ACER3: variants seen among roughly 807,000 people sequenced by gnomAD.
ACER3 encodes the protein alkaline ceramidase 3, also known as alkCDase 3.
Under a neutral mutation model 48.9 loss-of-function variants are expected in ACER3, and 16 were observed. That is an observed-to-expected ratio of 0.33 (90% CI 0.22 to 0.50). ACER3 has a LOEUF of 0.50. Ranked by LOEUF, ACER3 falls within the 20% of genes least tolerant of loss-of-function variation. The probability of loss-of-function intolerance (pLI) is 0.98; values close to 1 mark genes in which losing one functional copy is unlikely to be tolerated. For synonymous variants in ACER3, 109 were observed against 107.8 expected, an observed-to-expected ratio of 1.01 and a Z score of -0.07; for missense variants, 227 against 326.0, an observed-to-expected ratio of 0.70 and a Z score of 2.34.
Position 77,022,868 on chromosome 11 carries a change from CA to C in ACER3, c.*2565del, listed in dbSNP as rs10565723. ...ATGGTGGCAGAGCGAGACTCCGTCT[CA>C]AAAAAAAAAAAAAAAAAAAAAAAGA... On this transcript the variant is annotated 3_prime_UTR_variant, in exon 11 of 11. Transcript: ENST00000532485. 955 of 280,290 alleles carry C rather than the reference CA, an allele frequency of 3.4e-3. 1 individual carries two copies. The highest frequency in any genetic ancestry group is 6.4e-3 in the East Asian group (111 of 17,232). The allele number at this position is 280,290 out of a possible 1,614,324, so 17.4% of individuals were successfully genotyped here. A position where few individuals can be genotyped will look rare whatever the true frequency, so the allele number is the denominator to read the frequency against.
At chr11:77,014,948 G>C in intron 7 of ACER3, 68 bp from the exon 8 acceptor site, 2 of 936,672 alleles carry the variant, frequency 2.1e-6, no homozygotes, top group African/African-American at 1.6e-5. Context: ...GAAAGTGATG[G>C]CTTCAATTTC....
intron 7 of ACER3, among the ~76,000 whole-genome samples, chr11:77,013,619 A>G (rs1949310505): frequency 6.6e-6 from 1 of 152,172 alleles, no homozygotes. Flanking sequence ...ACACTTATAC[A>G]TGCCTGGTGG....
At chr11:77,011,338 T>G in intron 7 of ACER3, 1 of 985,570 alleles carries the variant, frequency 1.0e-6, no homozygotes, top group Non-Finnish European at 1.2e-6. Context: ...AGAAGAGTAT[T>G]GCTTTGAACT....
chr11:77,011,195 A>G (rs781797944), intron 7 of ACER3: 13 of 261,404 alleles, frequency 5.0e-5, no homozygotes, highest in Non-Finnish European at 7.7e-5. Flanking sequence ...TGCCTTCTGT[A>G]TTCTACACTC....
chr11:76,933,669 C>T (rs1218309861), intron 2 of ACER3, among the ~76,000 whole-genome samples: 1 of 152,190 alleles, frequency 6.6e-6, no homozygotes, highest in Non-Finnish European at 1.5e-5. Flanking sequence ...TGAAAAGTCT[C>T]CCATGTCTAC....
At chr11:76,963,339 C>T (rs1447905928) in intron 3 of ACER3, among the ~76,000 whole-genome samples, 1 of 151,542 alleles carries the variant, frequency 6.6e-6, no homozygotes, top group Non-Finnish European at 1.5e-5. Context: ...CAAACACTTA[C>T]AGACATGAGA....
intron 1 of ACER3, among the ~76,000 whole-genome samples, chr11:76,887,811 CTTTTTTTTTTTT>C (rs67954212): frequency 2.3e-5 from 2 of 87,188 alleles, no homozygotes; most frequent in Non-Finnish European, 4.5e-5. Flanking sequence ...CTATAGGTAA[CTTTTTTTTTTTT>C]TTTTTTTTTT....
At chr11:76,940,844 C>A (rs995812231) in intron 2 of ACER3, among the ~76,000 whole-genome samples, 2 of 152,018 alleles carry the variant, frequency 1.3e-5, no homozygotes, top group African/African-American at 4.8e-5. Flanking sequence ...TCAGCAATAC[C>A]TGGTACAAAC....
At chr11:76,920,490 G>T (rs1385750479) in intron 1 of ACER3, among the ~76,000 whole-genome samples, 1 of 152,120 alleles carries the variant, frequency 6.6e-6, no homozygotes, top group South Asian at 2.1e-4. Flanking sequence ...CAGCCTTAGG[G>T]GTAGTGGCTG....
rs36108857 is a variant in ACER3 at position 76,996,719 on chromosome 11, CTTT to C, written c.439-2024_439-2022del. Reference sequence around the variant, plus strand: ...ACAGGCATGAGCCACCCCACCCAGCCTTTTTTTTTTTTTTTTTTTTTTCTGAGA... The same window carrying C: ...ACAGGCATGAGCCACCCCACCCAGCCTTTTTTTTTTTTTTTTTTTCTGAGA... On this transcript the variant is annotated intron_variant, in intron 6 of 10. Coordinates refer to ENST00000532485, the MANE Select transcript of ACER3 (RefSeq NM_018367.7). Among the ~76,000 whole-genome samples, 124 of 138,708 alleles carry C rather than the reference CTTT, an allele frequency of 8.9e-4. 2 individuals carry two copies. Among genetic ancestry groups the C allele is most frequent in the Admixed American group, 1.5e-3 (20 of 13,272 alleles). The allele number at this position is 138,708 out of a possible 152,430, so 91.0% of individuals were successfully genotyped here.
chr11:76,947,637 T>G (rs1269226329), intron 2 of ACER3, among the ~76,000 whole-genome samples: 1 of 152,198 alleles, frequency 6.6e-6, no homozygotes, highest in Non-Finnish European at 1.5e-5. Flanking sequence ...AGTAGCTCAT[T>G]TATTTCCCCC....
intron 1 of ACER3, among the ~76,000 whole-genome samples, chr11:76,865,366 G>A (rs1473435563): frequency 1.3e-5 from 2 of 151,960 alleles, no homozygotes; most frequent in African/African-American, 4.8e-5. Flanking sequence ...TTAAGATTGT[G>A]AAATCTCTCC....
intron 3 of ACER3, among the ~76,000 whole-genome samples, chr11:76,963,660 ACT>A (rs772516812): frequency 2.0e-5 from 3 of 150,914 alleles, no homozygotes; most frequent in Admixed American, 6.6e-5. Context: ...CAGCCCAAAG[ACT>A]CTAAGTCATG....
chr11:76,982,541 C>T (rs11237047), intron 4 of ACER3, among the ~76,000 whole-genome samples: 15,255 of 151,768 alleles, frequency 0.1, 1,001 homozygotes, highest in East Asian at 0.35. Context: ...AGCTTTTTTT[C>T]TTTTTGAATT....
chr11:76,988,624 C>T (rs1005665523), intron 5 of ACER3, among the ~76,000 whole-genome samples: 1 of 152,134 alleles, frequency 6.6e-6, no homozygotes, highest in African/African-American at 2.4e-5. Context: ...AAGTCCCTTC[C>T]CCAACACATA....
At chr11:77,004,720 A>G (rs996628972) in intron 7 of ACER3, among the ~76,000 whole-genome samples, 2 of 152,202 alleles carry the variant, frequency 1.3e-5, no homozygotes, top group Admixed American at 6.5e-5. Context: ...TCTGATTAAT[A>G]TATCCATATT....
chr11:76,963,333 CACTT>C (rs1387083147), intron 3 of ACER3, among the ~76,000 whole-genome samples: 1 of 147,394 alleles, frequency 6.8e-6, no homozygotes, highest in African/African-American at 2.5e-5. Context: ...GTTTCTCAAA[CACTT>C]ACAGACATGA....
intron 7 of ACER3, among the ~76,000 whole-genome samples, chr11:77,000,187 CA>C (rs1442345734): frequency 6.6e-6 from 1 of 152,150 alleles, no homozygotes; most frequent in Non-Finnish European, 1.5e-5. Context: ...TCACGTTGAA[CA>C]TACCTTCCAT....
At chr11:76,933,812 G>A (rs1205052973) in intron 2 of ACER3, among the ~76,000 whole-genome samples, 10 of 152,184 alleles carry the variant, frequency 6.6e-5, no homozygotes, top group East Asian at 3.9e-4. Context: ...CCTCCCAGAC[G>A]GGGTGGCTGC....
Sources: gnomAD v4.1 joint callset for allele counts (sites outside exome capture counted in the v4.1 genomes callset) on GRCh38, gnomAD v4.1.1 for gene constraint, MANE v1.5 for transcripts, NCBI Gene and HGNC (gene_info 2026-07-23, HGNC 2026-07-21) for gene names.